Variants in P2RX5 observed in about 807,000 individuals in gnomAD.
P2RX5 encodes P2X purinoceptor 5.
A neutral mutation model predicts 54.1 loss-of-function variants in P2RX5; 46 were observed. The ratio of observed to expected loss-of-function variants is 0.85; its 90% CI spans 0.67 to 1.09. The LOEUF (loss-of-function observed/expected upper bound fraction) is 1.09, where lower values mean the gene tolerates loss of function less well. Ranked by LOEUF, P2RX5 falls within the 50% of genes least tolerant of loss-of-function variation. The pLI is 0.00. For missense variants in P2RX5, 566 were observed against 549.8 expected, an observed-to-expected ratio of 1.03 and a Z score of -0.29; for synonymous variants, 226 against 226.4, an observed-to-expected ratio of 1.00 and a Z score of 0.02.
chr17:3,690,621 C>T lies in P2RX5; in HGVS notation c.420G>A (p.Ala140=), dbSNP rs746704729. The part of the protein sequence containing the change: ...SKDSDCHAGE[A]VTAGNGVKTG... ...GGCCCTCACCGTTTCCAGCTGTAAC[C>T]GCTTCCCCAGCGTGGCAGTCGCTGT... Residue 140 remains alanine, a synonymous_variant, in exon 4 of 12, where the codon GCG becomes GCA. Coordinates refer to ENST00000225328, the MANE Select transcript of P2RX5 (RefSeq NM_002561.4). 69 of 1,613,616 alleles carry T rather than the reference C, an allele frequency of 4.3e-5. No homozygotes were observed. Among genetic ancestry groups the T allele is most frequent in the African/African-American group, 3.6e-4 (27 of 75,070 alleles).
chr17:3,677,878 C>G (rs1368166931), intron 11 of P2RX5: 1 of 985,282 alleles, frequency 1.0e-6, no homozygotes, highest in Non-Finnish European at 1.2e-6. Context: ...TCTTCTAGGT[C>G]CGAGCCCCTC....
At chr17:3,723,715 C>T in the P2RX5 span, 3 of 1,604,998 alleles carry the variant, frequency 1.9e-6, no homozygotes, top group Non-Finnish European at 1.7e-6. Context: ...CACAAGCGCG[C>T]TCCTGACTCC....
Position 3,673,357 on chromosome 17 carries a change from G to A in P2RX5, c.*511C>T. ...CTGTGTACTGGCCTAAGGGCAAACA[G>A]CTGGCAGGAAGGTGGTGTCTTTAGG... On this transcript the variant is annotated 3_prime_UTR_variant, in exon 12 of 12. Coordinates refer to ENST00000225328, the MANE Select transcript of P2RX5 (RefSeq NM_002561.4). 9.8e-7 allele frequency: 1 copy of A among 1,015,556 alleles called. No individual in the cohort carries two copies. The highest frequency in any genetic ancestry group is 1.2e-6 in the Non-Finnish European group (1 of 846,612). The allele number at this position is 1,015,556 out of a possible 1,614,324, so 62.9% of individuals were successfully genotyped here.
chr17:3,707,353 A>G, the P2RX5 span, among the ~76,000 whole-genome samples: 17 of 152,148 alleles, frequency 1.1e-4, no homozygotes, highest in Non-Finnish European at 2.1e-4. Context: ...GAAACCCCTA[A>G]CCTAGAGGTA....
intron 11 of P2RX5, among the ~76,000 whole-genome samples, chr17:3,679,026 G>C (rs1039256760): frequency 2.6e-5 from 4 of 152,190 alleles, no homozygotes; most frequent in African/African-American, 7.2e-5. Context: ...CTGAGGCCGG[G>C]GCAGCCCCAG....
In P2RX5 at chr17:3,688,011, C is replaced by T. The variant is rs1257664197; in HGVS notation, c.981+1G>A. The T allele has an allele frequency of 6.5e-7, 1 of 1,544,602 alleles. No individual in the cohort carries two copies. Among genetic ancestry groups the T allele is most frequent in the Non-Finnish European group, 8.8e-7 (1 of 1,133,462 alleles). ...CTCAGAACAGGAGAAGGCACACGCA[C>T]CTTGCCGTTCACCATCACGTCAAAG... is the stretch of plus-strand genomic sequence containing the variant. On this transcript the variant is annotated splice_donor_variant, in intron 9 of 11. Coordinates refer to ENST00000225328, the MANE Select transcript of P2RX5 (RefSeq NM_002561.4). LOFTEE classifies it high-confidence loss of function.
intron 11 of P2RX5, among the ~76,000 whole-genome samples, chr17:3,678,494 C>T (rs2050154183): frequency 6.6e-6 from 1 of 152,222 alleles, no homozygotes; most frequent in African/African-American, 2.4e-5. Flanking sequence ...AAGTAAGAGT[C>T]AGCTCAGGGA....
In P2RX5 at chr17:3,677,402, C is replaced by G. The variant is rs1021403056; in HGVS notation, c.1259+2188G>C. On this transcript the variant is annotated intron_variant, in intron 11 of 11. Transcript: ENST00000225328. Reference sequence around the variant, plus strand: ...TCTTGCCTCCCCTTCCCCATCTTACCTAGACTCCCCAGGAGCTGGCTTCCC... The same window carrying G: ...TCTTGCCTCCCCTTCCCCATCTTACGTAGACTCCCCAGGAGCTGGCTTCCC... 14 of 985,286 alleles carry G rather than the reference C, an allele frequency of 1.4e-5. No homozygotes were observed. In the African/African-American group the frequency reaches 2.4e-4, roughly 17 times the overall value. The allele number at this position is 985,286 out of a possible 1,614,324, so 61.0% of individuals were successfully genotyped here.
chr17:3,716,804 C>A, the P2RX5 span: 1 of 1,482,172 alleles, frequency 6.7e-7, no homozygotes, highest in Non-Finnish European at 9.4e-7. Context: ...GTGATCTAGA[C>A]AAGACAAAGA....
At chr17:3,705,362 C>T in the P2RX5 span, among the ~76,000 whole-genome samples, 2 of 152,300 alleles carry the variant, frequency 1.3e-5, no homozygotes, top group South Asian at 4.1e-4. Context: ...CCCCACTGCA[C>T]ACTCAGCCTC....
intron 11 of P2RX5, among the ~76,000 whole-genome samples, chr17:3,674,843 C>T (rs1432744224): frequency 6.6e-6 from 1 of 152,150 alleles, no homozygotes; most frequent in South Asian, 2.1e-4. Flanking sequence ...CTGACCTCTC[C>T]GACACCCCAT....
At chr17:3,705,310 G>A in the P2RX5 span, among the ~76,000 whole-genome samples, 77 of 152,164 alleles carry the variant, frequency 5.1e-4, 2 homozygotes, top group South Asian at 0.011. Flanking sequence ...TACACGATTC[G>A]GATCCAATGC....
Position 3,690,512 on chromosome 17 carries a change from C to CG in P2RX5, c.447dup (p.Gly150ArgfsTer15). 1 of 1,613,572 alleles carries CG rather than the reference C, an allele frequency of 6.2e-7. No individual in the cohort carries two copies. The highest frequency in any genetic ancestry group is 1.3e-5 in the African/African-American group (1 of 75,060). ...AAGTTCTCTCTCCGCAGGCAGCGGC[C>CG]GGTCTTCACTCCTGCAGGGGTGGGA... On this transcript the variant is annotated frameshift_variant, in exon 5 of 12. Coordinates refer to ENST00000225328, the MANE Select transcript of P2RX5 (RefSeq NM_002561.4). LOFTEE classifies it high-confidence loss of function.
chr17:3,694,645 C>T (rs1382797020), intron 1 of P2RX5, among the ~76,000 whole-genome samples: 1 of 152,224 alleles, frequency 6.6e-6, no homozygotes, highest in East Asian at 1.9e-4. Context: ...CTACCACCCT[C>T]GTCTCAGATT....
At chr17:3,694,956 G>T (rs1476871246) in intron 1 of P2RX5, among the ~76,000 whole-genome samples, 1 of 152,188 alleles carries the variant, frequency 6.6e-6, no homozygotes, top group African/African-American at 2.4e-5. Flanking sequence ...CTGAGCAACA[G>T]CACAGCGCCT....
At chr17:3,714,829 C>T in the P2RX5 span, 1 of 1,475,190 alleles carries the variant, frequency 6.8e-7, no homozygotes. Flanking sequence ...GATAGCCTCT[C>T]CCAGTGGATA....
In P2RX5 at chr17:3,696,034, G is replaced by T. The variant is rs771170693; in HGVS notation, c.-29C>A. The T allele has an allele frequency of 2.5e-6, 4 of 1,611,454 alleles. No individual in the cohort carries two copies. Among genetic ancestry groups the T allele is most frequent in the Non-Finnish European group, 3.4e-6 (4 of 1,178,770 alleles). ...GCGCTCTCAGCCGGGCTTGCGGACC[G>T]CCCGGCCCACGTGCGCTCATGGGGA... On this transcript the variant is annotated 5_prime_UTR_variant, in exon 1 of 12. Transcript: ENST00000225328.
the P2RX5 span, among the ~76,000 whole-genome samples, chr17:3,715,154 T>TCAAGCAGG: frequency 6.6e-6 from 1 of 152,232 alleles, no homozygotes; most frequent in Non-Finnish European, 1.5e-5. Flanking sequence ...TGACTCCACC[T>TCAAGCAGG]TCCTCTGAAC....
upstream of P2RX5, among the ~76,000 whole-genome samples, chr17:3,701,143 C>T (rs964226580): frequency 5.3e-5 from 8 of 152,240 alleles, no homozygotes; most frequent in Non-Finnish European, 1.0e-4. Context: ...CTAGTTCAAG[C>T]TTGTCCAACC....
Sources: allele counts gnomAD v4.1 joint callset (sites outside exome capture counted in the v4.1 genomes callset), GRCh38; gene constraint gnomAD v4.1.1; transcripts MANE v1.5; gene names NCBI Gene and HGNC (gene_info 2026-07-23, HGNC 2026-07-21).